LPA: variants seen among roughly 807,000 people sequenced by gnomAD.
LPA encodes the protein apolipoprotein(a).
Under a neutral mutation model 197.9 loss-of-function variants are expected in LPA, and 199 were observed. That is an observed-to-expected ratio of 1.01 (90% CI 0.90 to 1.13). The LOEUF (loss-of-function observed/expected upper bound fraction) is 1.13, where lower values mean the gene tolerates loss of function less well. LPA is among the 50% of genes most tolerant of loss of function. The pLI is 0.00. For missense variants in LPA, 1,853 were observed against 1,785.8 expected, an observed-to-expected ratio of 1.04 and a Z score of -0.68; for synonymous variants, 715 against 639.5, an observed-to-expected ratio of 1.12 and a Z score of -1.78.
chr6:160,539,066 C>T (rs911066781), intron 36 of LPA, among the ~76,000 whole-genome samples: 1 of 152,190 alleles, frequency 6.6e-6, no homozygotes, highest in African/African-American at 2.4e-5. Context: ...CAGGACATCA[C>T]CCCTCAGTTC....
chr6:160,545,914 G>C (rs1261712965), intron 32 of LPA, among the ~76,000 whole-genome samples: 1 of 152,162 alleles, frequency 6.6e-6, no homozygotes, highest in African/African-American at 2.4e-5. Context: ...CCTGTTTGCT[G>C]TTGATTCAGA....
intron 16 of LPA, among the ~76,000 whole-genome samples, chr6:160,609,283 G>A (rs749695439): frequency 5.9e-5 from 9 of 151,694 alleles, no homozygotes; most frequent in Non-Finnish European, 8.8e-5. Context: ...GATCTTCAAG[G>A]CATTTTATTG....
chr6:160,595,573 G>C, intron 20 of LPA, 38 bp from the exon 21 acceptor site: 1 of 1,613,706 alleles, frequency 6.2e-7, no homozygotes, highest in South Asian at 1.1e-5. Flanking sequence ...CCAGAGATGG[G>C]AGAAGATTCA....
chr6:160,545,874 G>A (rs894915055), intron 32 of LPA, among the ~76,000 whole-genome samples: 2 of 152,032 alleles, frequency 1.3e-5, no homozygotes, highest in Non-Finnish European at 2.9e-5. Context: ...TTTGTCCCTG[G>A]GGCGCTGAGG....
intron 35 of LPA, 142 bp downstream of exon 35, chr6:160,540,965 T>A: frequency 1.4e-6 from 1 of 730,042 alleles, no homozygotes. Flanking sequence ...ATGCATTCCC[T>A]GGTTCCTAGT....
intron 26 of LPA, among the ~76,000 whole-genome samples, chr6:160,582,686 A>G (rs1216060500): frequency 2.6e-5 from 4 of 152,076 alleles, no homozygotes; most frequent in African/African-American, 9.7e-5. Context: ...ACTTTTTAAA[A>G]TCCTATATCT....
intron 28 of LPA, among the ~76,000 whole-genome samples, chr6:160,576,686 G>GTA (rs775805522): frequency 5.1e-4 from 62 of 122,268 alleles, no homozygotes; most frequent in African/African-American, 1.6e-3. Flanking sequence ...GTGTGTGTGT[G>GTA]TGTGTATATA....
intron 28 of LPA, among the ~76,000 whole-genome samples, chr6:160,573,826 G>A (rs1263408347): frequency 6.6e-6 from 1 of 152,156 alleles, no homozygotes; most frequent in African/African-American, 2.4e-5. Flanking sequence ...TGGTGGAGGT[G>A]GAGGAGGGTG....
chr6:160,577,074 G>A, intron 28 of LPA, 62 bp downstream of exon 28: 1 of 1,589,378 alleles, frequency 6.3e-7, no homozygotes, highest in Non-Finnish European at 8.6e-7. Context: ...TTAAAGCATG[G>A]GTCTTCTAAC....
intron 20 of LPA, among the ~76,000 whole-genome samples, chr6:160,597,075 G>A (rs762247691): frequency 6.6e-6 from 1 of 152,116 alleles, no homozygotes. Flanking sequence ...TAAATCTATG[G>A]AGACTTGCTG....
chr6:160,596,288 C>G (rs192508879), intron 20 of LPA, among the ~76,000 whole-genome samples: 1 of 152,224 alleles, frequency 6.6e-6, no homozygotes, highest in Admixed American at 6.5e-5. Context: ...AAAGAATCAA[C>G]TTTCTGTTTC....
At chr6:160,584,037 C>T (rs1049230981) in intron 26 of LPA, among the ~76,000 whole-genome samples, 1 of 152,160 alleles carries the variant, frequency 6.6e-6, no homozygotes, top group Non-Finnish European at 1.5e-5. Flanking sequence ...CATCTGTTTA[C>T]TTCCTGACTC....
intron 28 of LPA, among the ~76,000 whole-genome samples, chr6:160,571,951 G>A (rs191001081): frequency 6.6e-6 from 1 of 152,338 alleles, no homozygotes; most frequent in East Asian, 1.9e-4. Flanking sequence ...CTAGCTTAGT[G>A]TCTGCCCAAA....
At chr6:160,615,340 T>A (rs1582887965) in intron 14 of LPA, among the ~76,000 whole-genome samples, 1 of 147,534 alleles carries the variant, frequency 6.8e-6, no homozygotes, top group Non-Finnish European at 1.5e-5. Context: ...TGAGTATGGG[T>A]GTGTTTTCAG....
intron 33 of LPA, among the ~76,000 whole-genome samples, chr6:160,543,917 C>T (rs1484087614): frequency 2.6e-5 from 4 of 152,316 alleles, no homozygotes; most frequent in Middle Eastern, 3.4e-3. Flanking sequence ...CTCAGGATTT[C>T]CAAGTGTCTG....
At chr6:160,533,965 T>C (rs986708726) in intron 37 of LPA, among the ~76,000 whole-genome samples, 1 of 152,242 alleles carries the variant, frequency 6.6e-6, no homozygotes, top group East Asian at 1.9e-4. Context: ...AAGTTTCCAA[T>C]GTTGCAAGCC....
chr6:160,563,641 CG>C lies in LPA; in HGVS notation c.4632-6071del, dbSNP rs1420401516. On this transcript the variant is annotated intron_variant, in intron 28 of 38. Coordinates refer to ENST00000316300, the MANE Select transcript of LPA (RefSeq NM_005577.4). ...TATCCTTGTTAATTTTCTGTCACGTCGATCTAATATTGGCTGTGGGGTGTTA... is the reference window on the plus strand; with the variant it reads ...TATCCTTGTTAATTTTCTGTCACGTCATCTAATATTGGCTGTGGGGTGTTA... 4.0e-5 allele frequency among the ~76,000 whole-genome samples: 6 copies of C among 151,790 alleles called. No homozygotes were observed. The East Asian group carries it at 1.2e-3, about 30-fold the overall frequency.
Position 160,577,556 on chromosome 6 carries a change from T to C in LPA, c.4472-261A>G, listed in dbSNP as rs562466639. On this transcript the variant is annotated intron_variant, in intron 27 of 38. Coordinates refer to ENST00000316300, the MANE Select transcript of LPA (RefSeq NM_005577.4). The stretch of plus-strand genomic sequence containing the variant: ...ATTGGAAATTACATTCATGTGCAGC[T>C]CCATCATATGAATCTCTGCTGGTTT... 5.3e-5 allele frequency among the ~76,000 whole-genome samples: 8 copies of C among 152,276 alleles called. No homozygotes were observed. The South Asian group carries it at 1.5e-3, about 28-fold the overall frequency.
In LPA at chr6:160,585,055, T is replaced by C. The variant is rs1562331777; in HGVS notation, c.4280A>G (p.Tyr1427Cys). 6.2e-7 allele frequency: 1 copy of C among 1,613,698 alleles called. No homozygotes were observed. ...AACATGATAGACATACGCATTTGGA[T>C]AGTATAATGGGATCCTCCGATGCCA... is the stretch of plus-strand genomic sequence containing the variant. ...PHWHRRIPLY[Y>C]PNAGLTRNYC... The change falls in exon 26 of 39, where the codon TAT becomes TGT. Residue 1427 changes from tyrosine (Y) to cysteine (C), a missense_variant. Physicochemically the swap from Tyr to Cys is radical, Grantham distance 194. Transcript: ENST00000316300.
Sources: gnomAD v4.1 joint callset for allele counts (sites outside exome capture counted in the v4.1 genomes callset) on GRCh38, gnomAD v4.1.1 for gene constraint, MANE v1.5 for transcripts, NCBI Gene and HGNC (gene_info 2026-07-23, HGNC 2026-07-21) for gene names.